ABHD2: variants seen among roughly 807,000 people sequenced by gnomAD.
The protein encoded by ABHD2 is abhydrolase domain containing 2, acylglycerol lipase, also known as monoacylglycerol lipase ABHD2.
Under a neutral mutation model 48.1 loss-of-function variants are expected in ABHD2, and 20 were observed. That is an observed-to-expected ratio of 0.42 (90% CI 0.29 to 0.60). ABHD2 has a LOEUF of 0.60. Among genes scored for constraint, ABHD2 ranks in the 20% least tolerant of loss-of-function variants. The pLI is 0.24. For synonymous variants in ABHD2, 209 were observed against 214.2 expected, an observed-to-expected ratio of 0.98 and a Z score of 0.21; for missense variants, 405 against 550.9, an observed-to-expected ratio of 0.74 and a Z score of 2.65.
Position 89,151,528 on chromosome 15 carries a change from G to A in ABHD2, c.195-149G>A, listed in dbSNP as rs187369405. ...GGGGAAAGGCGGTAAATCATGGCAC[G>A]GATGTAACGTAATAAAAGCCTCATG... On this transcript the variant is annotated intron_variant, in intron 3 of 10. Transcript: ENST00000352732. This position sits in a 1 kb window ranked among gnomAD's most constrained non-coding sequence, Gnocchi z 4.7. The A allele has an allele frequency of 4.1e-5, 32 of 777,338 alleles. No individual in the cohort carries two copies. Among genetic ancestry groups the A allele is most frequent in the South Asian group, 7.5e-5 (4 of 53,528 alleles). 48.2% of individuals were successfully genotyped at this position (777,338 alleles called of 1,614,324 possible).
intron 3 of ABHD2, among the ~76,000 whole-genome samples, chr15:89,127,741 G>A (rs80186753): frequency 0.021 from 2,139 of 101,774 alleles, 48 homozygotes; most frequent in African/African-American, 0.073. Flanking sequence ...ATATATATAT[G>A]TATATTTTAA....
At chr15:89,157,209 G>C (rs964635339) in intron 5 of ABHD2, among the ~76,000 whole-genome samples, 2 of 152,144 alleles carry the variant, frequency 1.3e-5, no homozygotes, top group Non-Finnish European at 2.9e-5. Flanking sequence ...ACTGTGTCTT[G>C]TACATAGAAT....
rs1340898207 is a variant in ABHD2 at position 89,201,748 on chromosome 15, GGTCGAGGACCAGGATCT to G, written c.*6327_*6343del. The G allele has an allele frequency of 6.4e-7, 1 of 1,562,382 alleles. No homozygotes were observed. Among genetic ancestry groups the G allele is most frequent in the African/African-American group, 1.4e-5 (1 of 73,746 alleles). On this transcript the variant is annotated 3_prime_UTR_variant, in exon 11 of 11. Transcript: ENST00000352732. ...CCTTTGAATTTGAGGTCTATGGGCG[GGTCGAGGACCAGGATCT>G]GCTCGTGCTTCGCCGTGGCCCCGGA...
intron 3 of ABHD2, among the ~76,000 whole-genome samples, chr15:89,119,307 C>G (rs1251737466): frequency 6.6e-6 from 1 of 152,160 alleles, no homozygotes; most frequent in African/African-American, 2.4e-5. Flanking sequence ...TTGAACATGA[C>G]AAATGACTAA....
intron 8 of ABHD2, 131 bp from the exon 9 acceptor site, chr15:89,190,949 T>G (rs1266039975): frequency 1.3e-6 from 1 of 761,890 alleles, no homozygotes; most frequent in Non-Finnish European, 2.1e-6. Context: ...CAGGCCTAGC[T>G]CCTGCCTCTG....
intron 1 of ABHD2, among the ~76,000 whole-genome samples, chr15:89,109,122 A>G (rs769588236): frequency 3.3e-5 from 5 of 152,124 alleles, no homozygotes; most frequent in Non-Finnish European, 5.9e-5. Context: ...GCAGTTTCTC[A>G]CTCTATCTGT....
At chr15:89,062,800 C>T in the ABHD2 span, among the ~76,000 whole-genome samples, 790 of 152,208 alleles carry the variant, frequency 5.2e-3, 7 homozygotes, top group African/African-American at 0.018. Flanking sequence ...ATCACATGAG[C>T]ATGAGAATGT....
At chr15:89,150,991 G>C (rs962722707) in intron 3 of ABHD2, among the ~76,000 whole-genome samples, 1 of 152,244 alleles carries the variant, frequency 6.6e-6, no homozygotes, top group Non-Finnish European at 1.5e-5. Context: ...CCAACGCCTA[G>C]AGTCACTCTG....
At chr15:89,065,993 A>G in the ABHD2 span, among the ~76,000 whole-genome samples, 2 of 152,314 alleles carry the variant, frequency 1.3e-5, no homozygotes, top group African/African-American at 4.8e-5. Context: ...CTCGGGTTCA[A>G]TCATGCATCC....
rs766672605 is a variant in ABHD2, at chr15:89,185,408, G to A, written c.723-16G>A. The A allele has an allele frequency of 1.9e-5, 31 of 1,612,594 alleles. No homozygotes were observed. The highest frequency in any genetic ancestry group is 2.5e-5 in the Non-Finnish European group (29 of 1,178,926). On this transcript the variant is annotated splice_polypyrimidine_tract_variant and intron_variant, in intron 6 of 10. Transcript: ENST00000352732. This position sits in a 1 kb window ranked among gnomAD's most constrained non-coding sequence, Gnocchi z 5.9. ...CCCCACACCGCAGTCACCCTCACTC[G>A]CTGTGGTTCTTCCAGGGCCCAGGAA...
At chr15:89,041,138 G>A in the ABHD2 span, 2 of 152,262 alleles carry the variant, frequency 1.3e-5, no homozygotes, top group Non-Finnish European at 2.9e-5. Context: ...GAGGCCAAGA[G>A]GAGGCCCTGG....
the ABHD2 span, among the ~76,000 whole-genome samples, chr15:89,060,485 A>G: frequency 1.7e-4 from 26 of 152,228 alleles, no homozygotes; most frequent in African/African-American, 6.3e-4. Flanking sequence ...GAACACAGAT[A>G]TAAAAACCTA....
the ABHD2 span, among the ~76,000 whole-genome samples, chr15:89,051,174 A>C: frequency 6.6e-6 from 1 of 152,186 alleles, no homozygotes. Flanking sequence ...CGGAGGTTGC[A>C]GTGAGCCAAG....
At chr15:89,152,970 G>A in intron 4 of ABHD2, among the ~76,000 whole-genome samples, 1 of 152,280 alleles carries the variant, frequency 6.6e-6, no homozygotes, top group Middle Eastern at 3.4e-3. Context: ...GAACTCAGTA[G>A]TTATTTATGG....
At chr15:89,081,636 GC>G in the ABHD2 span, among the ~76,000 whole-genome samples, 1 of 152,302 alleles carries the variant, frequency 6.6e-6, no homozygotes, top group Non-Finnish European at 1.5e-5. Flanking sequence ...GGAGGCCGAG[GC>G]AGGGGAATCA....
intron 3 of ABHD2, among the ~76,000 whole-genome samples, chr15:89,139,006 G>A (rs982783944): frequency 4.1e-5 from 6 of 147,266 alleles, no homozygotes; most frequent in South Asian, 2.1e-4. Flanking sequence ...GCTTGAGCCC[G>A]GGAGATCAAG....
At chr15:89,046,994 T>G in the ABHD2 span, among the ~76,000 whole-genome samples, 7 of 151,564 alleles carry the variant, frequency 4.6e-5, no homozygotes, top group South Asian at 2.1e-4. Context: ...ATGTTAGGGT[T>G]TCAATTTTGG....
the ABHD2 span, among the ~76,000 whole-genome samples, chr15:89,052,239 C>G: frequency 6.6e-6 from 1 of 152,060 alleles, no homozygotes; most frequent in Non-Finnish European, 1.5e-5. Context: ...TCTTTTTTGT[C>G]TTGGGTATGG....
At chr15:89,119,600 G>A (rs938124116) in intron 3 of ABHD2, among the ~76,000 whole-genome samples, 3 of 152,176 alleles carry the variant, frequency 2.0e-5, no homozygotes, top group Admixed American at 2.0e-4. Context: ...GAGGGAAACT[G>A]AACTCAAACT....
Sources: allele counts gnomAD v4.1 joint callset (sites outside exome capture counted in the v4.1 genomes callset), GRCh38; gene constraint gnomAD v4.1.1; non-coding constraint Gnocchi (gnomAD v3.1); transcripts MANE v1.5; gene names NCBI Gene and HGNC (gene_info 2026-07-23, HGNC 2026-07-21).